Variants in RNF220 observed in about 807,000 individuals in gnomAD.
RNF220 encodes the protein ring finger protein 220.
RNF220 carries 7 observed loss-of-function variants against 67.1 expected under a neutral mutation model. The ratio of observed to expected loss-of-function variants is 0.10; its 90% CI spans 0.06 to 0.20. The LOEUF is 0.20. RNF220 is among the 10% of genes least tolerant of loss of function. RNF220 has a pLI of 1.00. For synonymous variants in RNF220, 270 were observed against 283.2 expected (o/e 0.95, Z 0.47); for missense variants, 565 against 740.3 (o/e 0.76, Z 2.75).
At chr1:44,575,252 A>C (rs766892282) in intron 2 of RNF220, among the ~76,000 whole-genome samples, 7 of 152,202 alleles carry the variant, frequency 4.6e-5, no homozygotes, top group Non-Finnish European at 1.0e-4. Context: ...TAGCTCCCAC[A>C]TATCAGTGAG....
At chr1:44,469,677 C>A (rs1224670641) in intron 2 of RNF220, among the ~76,000 whole-genome samples, 1 of 152,206 alleles carries the variant, frequency 6.6e-6, no homozygotes, top group African/African-American at 2.4e-5. Context: ...CTGTAGCAGG[C>A]ACTGTGAAGA....
chr1:44,525,014 G>T (rs1361738702), intron 2 of RNF220, among the ~76,000 whole-genome samples: 1 of 152,040 alleles, frequency 6.6e-6, no homozygotes, highest in Non-Finnish European at 1.5e-5. Flanking sequence ...AATGTCACCC[G>T]TCTATCAGAG....
At chr1:44,526,401 C>G (rs1660377025) in intron 2 of RNF220, among the ~76,000 whole-genome samples, 1 of 152,192 alleles carries the variant, frequency 6.6e-6, no homozygotes, top group Non-Finnish European at 1.5e-5. Context: ...AAAGGCCAAA[C>G]AGCCACAACT....
At chr1:44,488,927 C>T (rs1283734702) in intron 2 of RNF220, among the ~76,000 whole-genome samples, 1 of 151,994 alleles carries the variant, frequency 6.6e-6, no homozygotes, top group African/African-American at 2.4e-5. Flanking sequence ...GATGGGGTTT[C>T]GCTATGTTGG....
chr1:44,547,973 G>T (rs149063043), intron 2 of RNF220, among the ~76,000 whole-genome samples: 1 of 151,952 alleles, frequency 6.6e-6, no homozygotes, highest in African/African-American at 2.4e-5. Flanking sequence ...CCCAGCACCC[G>T]CACACATCAA....
At chr1:44,625,039 GA>G (rs1643899056) in intron 4 of RNF220, among the ~76,000 whole-genome samples, 1 of 151,788 alleles carries the variant, frequency 6.6e-6, no homozygotes, top group Non-Finnish European at 1.5e-5. Context: ...GAGAGAGAGA[GA>G]GAGAGAGAGA....
At chr1:44,477,337 G>A (rs568605821) in intron 2 of RNF220, among the ~76,000 whole-genome samples, 4 of 152,266 alleles carry the variant, frequency 2.6e-5, no homozygotes, top group South Asian at 2.1e-4. Flanking sequence ...TTACAAATGC[G>A]GATGAATGCT....
chr1:44,542,742 G>A (rs1472566801), intron 2 of RNF220, among the ~76,000 whole-genome samples: 1 of 152,200 alleles, frequency 6.6e-6, no homozygotes, highest in Non-Finnish European at 1.5e-5. Context: ...TAATCCACAG[G>A]GAGACAGGGA....
chr1:44,559,223 C>G (rs1663360557), intron 2 of RNF220, among the ~76,000 whole-genome samples: 1 of 152,246 alleles, frequency 6.6e-6, no homozygotes, highest in Non-Finnish European at 1.5e-5. Flanking sequence ...CCCCCAGCCC[C>G]AGTCCTCAGC....
rs755906255 is a variant in RNF220 at position 44,649,861 on chromosome 1, T to A, written c.1555-22T>A. 7 of 1,613,930 alleles carry A rather than the reference T, an allele frequency of 4.3e-6. No homozygotes were observed. The East Asian group carries it at 1.3e-4, about 31-fold the overall frequency. ...GGTGGGCCTACCTCAGAGTGACCCC[T>A]TCTCTGCCCCCTCCTCCCTAGGACT... is the stretch of plus-strand genomic sequence containing the variant. On this transcript the variant is annotated intron_variant, in intron 13 of 14. Coordinates refer to ENST00000361799, the MANE Select transcript of RNF220 (RefSeq NM_018150.4). This position sits in a 1 kb window ranked among gnomAD's most constrained non-coding sequence, Gnocchi z 5.9.
chr1:44,598,180 G>T lies in RNF220; in HGVS notation c.626-15985G>T, dbSNP rs537375234. On this transcript the variant is annotated intron_variant, in intron 2 of 14. Transcript: ENST00000361799. Reference sequence around the variant, plus strand: ...GCCTGGTGATGGGGAGGGGGAAACAGGGAGGGGGCTAAGCCCAGAGTCCTC... The same window carrying T: ...GCCTGGTGATGGGGAGGGGGAAACATGGAGGGGGCTAAGCCCAGAGTCCTC... 2.5e-3 allele frequency among the ~76,000 whole-genome samples: 204 copies of T among 82,464 alleles called. 1 individual carries two copies. The highest frequency in any genetic ancestry group is 0.011 in the African/African-American group (199 of 18,682). The allele number at this position is 82,464 out of a possible 152,430, so 54.1% of individuals were successfully genotyped here.
intron 2 of RNF220, among the ~76,000 whole-genome samples, chr1:44,469,710 GCCTGAGTATGATATTA>G (rs750044949): frequency 2.0e-5 from 3 of 152,184 alleles, no homozygotes; most frequent in Non-Finnish European, 2.9e-5. Flanking sequence ...TGCTATGAGA[GCCTGAGTATGATATTA>G]CCCAGACAAA....
chr1:44,573,313 G>A (rs1306758884), intron 2 of RNF220, among the ~76,000 whole-genome samples: 1 of 152,216 alleles, frequency 6.6e-6, no homozygotes, highest in Non-Finnish European at 1.5e-5. Flanking sequence ...TTGAAGGAGA[G>A]TTGCATGGTC....
At position 44,502,052 on chromosome 1, in the gene RNF220, AACACACACACAC is replaced by A. The variant is rs56978327; in HGVS notation, c.625+89367_625+89378del. Among the ~76,000 whole-genome samples the A allele has an allele frequency of 3.5e-3, 426 of 121,836 alleles. 1 individual carries two copies. Among genetic ancestry groups the A allele is most frequent in the African/African-American group, 9.6e-3 (301 of 31,494 alleles). 79.9% of individuals were successfully genotyped at this position (121,836 alleles called of 152,430 possible). ...TCCCCAGCTGACTTCACACCACTGA[AACACACACACAC>A]ACACACACACACACACACACACACA... is the stretch of plus-strand genomic sequence containing the variant. On this transcript the variant is annotated intron_variant, in intron 2 of 14. Transcript: ENST00000361799.
chr1:44,623,878 A>T (rs1184419046), intron 4 of RNF220, among the ~76,000 whole-genome samples: 4 of 152,236 alleles, frequency 2.6e-5, no homozygotes, highest in Non-Finnish European at 4.4e-5. Flanking sequence ...AAACAGGGAA[A>T]GACTGGAGAA....
chr1:44,630,072 C>A (rs1272209635), intron 5 of RNF220, among the ~76,000 whole-genome samples: 4 of 152,260 alleles, frequency 2.6e-5, no homozygotes, highest in African/African-American at 9.6e-5. Flanking sequence ...TGAGCTAGGC[C>A]TTGAAACCAG....
chr1:44,558,790 G>C (rs191493753), intron 2 of RNF220, among the ~76,000 whole-genome samples: 1 of 152,196 alleles, frequency 6.6e-6, no homozygotes, highest in Non-Finnish European at 1.5e-5. Flanking sequence ...AACATGACAT[G>C]TTATAGCCCC....
intron 2 of RNF220, among the ~76,000 whole-genome samples, chr1:44,499,366 ATCCT>A (rs1419351550): frequency 1.3e-5 from 2 of 151,754 alleles, no homozygotes; most frequent in Non-Finnish European, 2.9e-5. Flanking sequence ...ATTTTTCCCT[ATCCT>A]TCCTGTGAAA....
rs1358480075 is a variant in RNF220 at position 44,412,719 on chromosome 1, A to G, written c.622A>G (p.Arg208Gly). 1 of 1,613,198 alleles carries G rather than the reference A, an allele frequency of 6.2e-7. No individual in the cohort carries two copies. Among genetic ancestry groups the G allele is most frequent in the Non-Finnish European group, 8.5e-7 (1 of 1,179,438 alleles). The part of the protein sequence containing the change: ...ASSSPEDRND[R>G]CKKKAAALFD... ...ATCTAGCCCAGAGGATCGGAATGAC[A>G]GATGTAAGTACTTTGGTTCCAGCCC... is the stretch of plus-strand genomic sequence containing the variant. Residue 208 changes from arginine (R) to glycine (G), a missense_variant, in exon 2 of 15, where the codon AGA becomes GGA. Physicochemically the swap from Arg to Gly is moderately radical, Grantham distance 125. Coordinates refer to ENST00000361799, the MANE Select transcript of RNF220 (RefSeq NM_018150.4). This position sits in a 1 kb window ranked among gnomAD's most constrained non-coding sequence, Gnocchi z 5.3.
Sources: allele counts gnomAD v4.1 joint callset (sites outside exome capture counted in the v4.1 genomes callset), GRCh38; gene constraint gnomAD v4.1.1; non-coding constraint Gnocchi (gnomAD v3.1); transcripts MANE v1.5; gene names NCBI Gene and HGNC (gene_info 2026-07-23, HGNC 2026-07-21).